The following CALCRL variants were observed in gnomAD, a reference collection of about 807,000 sequenced individuals.
The protein encoded by CALCRL is calcitonin receptor like receptor.
CALCRL carries 27 observed loss-of-function variants against 60.4 expected under a neutral mutation model. The observed-to-expected ratio is 0.45, with a 90% CI of 0.33 to 0.62. CALCRL has a LOEUF of 0.62. Ranked by LOEUF, CALCRL falls within the 20% of genes least tolerant of loss-of-function variation. The pLI is 0.03. For synonymous variants in CALCRL, 190 were observed against 182.6 expected (o/e 1.04, Z -0.33); for missense variants, 424 against 540.7 (o/e 0.78, Z 2.14).
intron 1 of CALCRL, among the ~76,000 whole-genome samples, chr2:187,447,248 A>G (rs1691231326): frequency 6.7e-6 from 1 of 149,912 alleles, no homozygotes; most frequent in Non-Finnish European, 1.5e-5. Flanking sequence ...CTTTATCCAC[A>G]GATATCGTGG....
chr2:187,442,939 A>G (rs932173562), intron 1 of CALCRL, among the ~76,000 whole-genome samples: 2 of 151,904 alleles, frequency 1.3e-5, no homozygotes, highest in Admixed American at 1.3e-4. Context: ...TAGATTCATA[A>G]TATATGTAGG....
intron 1 of CALCRL, 45 bp from the exon 2 acceptor site, chr2:187,387,801 CA>C: frequency 2.6e-6 from 1 of 390,360 alleles, no homozygotes; most frequent in Non-Finnish European, 4.5e-6. Flanking sequence ...TGCTAATGAC[CA>C]AAATTATTTC....
At chr2:187,379,444 C>A (rs1687900335) in intron 7 of CALCRL, among the ~76,000 whole-genome samples, 1 of 152,066 alleles carries the variant, frequency 6.6e-6, no homozygotes, top group Non-Finnish European at 1.5e-5. Flanking sequence ...TATTTTCAAA[C>A]TGAGTTTCTT....
chr2:187,353,730 C>G (rs147703147), intron 12 of CALCRL, among the ~76,000 whole-genome samples: 48 of 152,028 alleles, frequency 3.2e-4, no homozygotes, highest in African/African-American at 1.1e-3. Flanking sequence ...ATATTCCCTT[C>G]TTAAGCATCC....
chr2:187,446,991 A>C (rs1691220752), intron 1 of CALCRL, among the ~76,000 whole-genome samples: 1 of 152,010 alleles, frequency 6.6e-6, no homozygotes, highest in African/African-American at 2.4e-5. Context: ...ATATCTATCA[A>C]CATCATTTAA....
At chr2:187,418,859 CTTT>C (rs369436031) in intron 1 of CALCRL, among the ~76,000 whole-genome samples, 4 of 119,994 alleles carry the variant, frequency 3.3e-5, no homozygotes, top group African/African-American at 3.1e-5. Context: ...TTCTTTTTTT[CTTT>C]TTTTTTTTTT....
intron 1 of CALCRL, among the ~76,000 whole-genome samples, chr2:187,406,955 ACT>A (rs1689161810): frequency 6.6e-6 from 1 of 152,082 alleles, no homozygotes; most frequent in Non-Finnish European, 1.5e-5. Context: ...TTAGGACTTA[ACT>A]ATCATTCCCA....
At chr2:187,447,352 T>C (rs775064731) in intron 1 of CALCRL, among the ~76,000 whole-genome samples, 2 of 151,858 alleles carry the variant, frequency 1.3e-5, no homozygotes, top group Non-Finnish European at 2.9e-5. Flanking sequence ...TTTAAAAATC[T>C]ACATTTCCTA....
At chr2:187,358,360 A>G (rs991725783) in intron 12 of CALCRL, among the ~76,000 whole-genome samples, 46 of 152,180 alleles carry the variant, frequency 3.0e-4, no homozygotes, top group African/African-American at 9.9e-4. Context: ...TTTTTCAATT[A>G]AAATAATAAA....
At chr2:187,349,331 C>T (rs546481305) in intron 14 of CALCRL, among the ~76,000 whole-genome samples, 73 of 151,422 alleles carry the variant, frequency 4.8e-4, no homozygotes, top group Non-Finnish European at 3.8e-4. Context: ...CTAAAAAGTG[C>T]ATAAAAGGTG....
In CALCRL at chr2:187,346,289, A is replaced by G. The variant is rs1686265704; in HGVS notation, c.1281T>C (p.Ser427=). The change falls in exon 15 of 15, where the codon AGT becomes AGC. Residue 427 remains serine (S), a synonymous_variant. Coordinates refer to ENST00000392370, the MANE Select transcript of CALCRL (RefSeq NM_005795.6). ...RSASYTVSTI[S]DGPGYSHDCP... is the part of the protein sequence containing the mutation. Reference sequence around the variant, plus strand: ...AGTCATGACTATAACCTGGACCATCACTGATTGTTGACACTGTGTAAGACG... The same window carrying G: ...AGTCATGACTATAACCTGGACCATCGCTGATTGTTGACACTGTGTAAGACG... The G allele has an allele frequency of 2.5e-6, 4 of 1,612,336 alleles. No homozygotes were observed. The highest frequency in any genetic ancestry group is 3.4e-6 in the Non-Finnish European group (4 of 1,178,890).
At position 187,350,595 on chromosome 2, in the gene CALCRL, A is replaced by G. The variant is rs574082877; in HGVS notation, c.1170+1325T>C. ...TAGATAAATAATAATAATATAAATAAATACGTGTTGAACTTGAGATATATT... is the reference window on the plus strand; with the variant it reads ...TAGATAAATAATAATAATATAAATAGATACGTGTTGAACTTGAGATATATT... On this transcript the variant is annotated intron_variant, in intron 14 of 14. Coordinates refer to ENST00000392370, the MANE Select transcript of CALCRL (RefSeq NM_005795.6). Among the ~76,000 whole-genome samples the G allele has an allele frequency of 1.6e-3, 243 of 151,040 alleles. 2 individuals carry two copies. The highest frequency in any genetic ancestry group is 5.6e-3 in the African/African-American group (231 of 41,130).
At chr2:187,382,002 A>G (rs1366626423) in intron 5 of CALCRL, among the ~76,000 whole-genome samples, 11 of 152,320 alleles carry the variant, frequency 7.2e-5, no homozygotes, top group South Asian at 2.1e-4. Context: ...TTGAATCCAT[A>G]TATTTCTAGA....
At position 187,358,530 on chromosome 2, in the gene CALCRL, T is replaced by C. The variant is rs116494780; in HGVS notation, c.909+533A>G. 4.1e-3 allele frequency among the ~76,000 whole-genome samples: 495 copies of C among 119,802 alleles called. 4 individuals are homozygous for C. The highest frequency in any genetic ancestry group is 0.012 in the African/African-American group (423 of 34,902). 78.6% of individuals were successfully genotyped at this position (119,802 alleles called of 152,430 possible). A position where few individuals can be genotyped will look rare whatever the true frequency, so the allele number is the denominator to read the frequency against. On this transcript the variant is annotated intron_variant, in intron 12 of 14. Transcript: ENST00000392370. ...TTATTTGTCACCTCCCACCCCCCCC[T>C]GCTAGATTCATCCTCTATTCCTCTC...
chr2:187,371,746 AG>A (rs1196446943), intron 8 of CALCRL, among the ~76,000 whole-genome samples: 2 of 151,622 alleles, frequency 1.3e-5, no homozygotes, highest in Non-Finnish European at 2.9e-5. Context: ...TTTTTTTTAA[AG>A]AAAAGATTAA....
chr2:187,386,390 T>C (rs1041445223), intron 3 of CALCRL, among the ~76,000 whole-genome samples: 1 of 152,200 alleles, frequency 6.6e-6, no homozygotes, highest in African/African-American at 2.4e-5. Context: ...CATTAAAATG[T>C]CTTTATAATT....
At chr2:187,394,949 T>G (rs1688598509) in intron 1 of CALCRL, among the ~76,000 whole-genome samples, 2 of 152,184 alleles carry the variant, frequency 1.3e-5, no homozygotes, top group East Asian at 3.9e-4. Flanking sequence ...CTATAACTTT[T>G]ATCATAGCTC....
chr2:187,441,099 G>T (rs1477908624), intron 1 of CALCRL, among the ~76,000 whole-genome samples: 5 of 151,796 alleles, frequency 3.3e-5, no homozygotes, highest in Admixed American at 2.0e-4. Flanking sequence ...AATATTTTTT[G>T]TCAAAGTAAG....
Position 187,370,306 on chromosome 2 carries a change from A to G in CALCRL, c.501-6804T>C, listed in dbSNP as rs185596684. Reference sequence around the variant, plus strand: ...TATGATCGAGAAAAATAAACTGTCTATAATAATGGAAAACCTGATTGTAAA... The same window carrying G: ...TATGATCGAGAAAAATAAACTGTCTGTAATAATGGAAAACCTGATTGTAAA... On this transcript the variant is annotated intron_variant, in intron 8 of 14. Transcript: ENST00000392370. Among the ~76,000 whole-genome samples, 24 of 152,278 alleles carry G rather than the reference A, an allele frequency of 1.6e-4. No individual in the cohort carries two copies. In the East Asian group the frequency reaches 3.3e-3, roughly 21 times the overall value.
Sources: gnomAD v4.1 joint callset for allele counts (sites outside exome capture counted in the v4.1 genomes callset) on GRCh38, gnomAD v4.1.1 for gene constraint, MANE v1.5 for transcripts, NCBI Gene and HGNC (gene_info 2026-07-23, HGNC 2026-07-21) for gene names.